PCDHGB7: variants seen among roughly 807,000 people sequenced by gnomAD.
PCDHGB7 encodes the protein protocadherin gamma-B7.
In PCDHGB7, 37 loss-of-function variants were observed where a neutral mutation model predicts 61.4. That is an observed-to-expected ratio of 0.60 (90% CI 0.46 to 0.79). PCDHGB7 has a LOEUF of 0.79. Ranked by LOEUF, PCDHGB7 falls within the 30% of genes least tolerant of loss-of-function variation. The pLI, the probability that PCDHGB7 is intolerant of heterozygous loss-of-function variation, is 0.00. For synonymous variants in PCDHGB7, 464 were observed against 503.5 expected (o/e 0.92, Z 1.05); for missense variants, 1,166 against 1,202.5 (o/e 0.97, Z 0.45).
intron 1 of PCDHGB7, chr5:141,427,993 C>G: frequency 6.3e-7 from 1 of 1,599,460 alleles, no homozygotes; most frequent in South Asian, 1.1e-5. Flanking sequence ...CCCGATGGCT[C>G]CGCACTCTTC....
intron 1 of PCDHGB7, among the ~76,000 whole-genome samples, chr5:141,482,179 G>A (rs1398839482): frequency 6.6e-6 from 1 of 152,040 alleles, no homozygotes; most frequent in Non-Finnish European, 1.5e-5. Flanking sequence ...AAGGCTTTAC[G>A]ATGCTCCAGT....
At chr5:141,458,413 G>A (rs138479316) in intron 1 of PCDHGB7, among the ~76,000 whole-genome samples, 1 of 152,196 alleles carries the variant, frequency 6.6e-6, no homozygotes, top group East Asian at 1.9e-4. Context: ...CGGAGCGGGG[G>A]TTCCAAAGCT....
In PCDHGB7 at chr5:141,485,251, C is replaced by T. The variant is rs748522322; in HGVS notation, c.2416-9556C>T. 7 of 1,614,092 alleles carry T rather than the reference C, an allele frequency of 4.3e-6. No individual in the cohort carries two copies. In the South Asian group the frequency reaches 6.6e-5, roughly 15 times the overall value. On this transcript the variant is annotated intron_variant, in intron 1 of 3. Transcript: ENST00000398594. This position sits in a 1 kb window ranked among gnomAD's most constrained non-coding sequence, Gnocchi z 5.7. The stretch of plus-strand genomic sequence containing the variant: ...TGTTCCTCTTTTACCACCTGGGTTA[C>T]GTTTGTGGGCAGATCCGCTACCCGG...
chr5:141,481,924 A>G (rs1189494301), intron 1 of PCDHGB7, among the ~76,000 whole-genome samples: 1 of 151,648 alleles, frequency 6.6e-6, no homozygotes, highest in Non-Finnish European at 1.5e-5. Context: ...AAAAAAAAAA[A>G]AAAAAAAAAA....
In PCDHGB7 at chr5:141,512,809, A is replaced by C. The variant is rs2099884438; in HGVS notation, c.*1636A>C. ...GTGTTTTGTGCTGTGTCCACGCGCT[A>C]AGGCGACCCCCTCCCCCGTACTGAC... On this transcript the variant is annotated 3_prime_UTR_variant, in exon 4 of 4. Coordinates refer to ENST00000398594, the MANE Select transcript of PCDHGB7 (RefSeq NM_018927.4). 6.6e-6 allele frequency: 1 copy of C among 152,130 alleles called. No homozygotes were observed. The highest frequency in any genetic ancestry group is 2.4e-5 in the African/African-American group (1 of 41,404). The allele number at this position is 152,130 out of a possible 1,614,324, so 9.4% of individuals were successfully genotyped here. A position where few individuals can be genotyped will look rare whatever the true frequency, so the allele number is the denominator to read the frequency against.
chr5:141,493,346 C>T lies in PCDHGB7; in HGVS notation c.2416-1461C>T, dbSNP rs766845200. Among the ~76,000 whole-genome samples, 5 of 152,172 alleles carry T rather than the reference C, an allele frequency of 3.3e-5. No individual in the cohort carries two copies. Among genetic ancestry groups the T allele is most frequent in the Non-Finnish European group, 7.3e-5 (5 of 68,028 alleles). On this transcript the variant is annotated intron_variant, in intron 1 of 3. Coordinates refer to ENST00000398594, the MANE Select transcript of PCDHGB7 (RefSeq NM_018927.4). The surrounding 1 kb of genome is among the most constrained non-coding windows in gnomAD (Gnocchi z 4.3). Reference sequence around the variant, plus strand: ...CCCCTGTCTAACTCCAGAATGTGTGCTTTTAATTTCTTGGCACTTGGAACT... The same window carrying T: ...CCCCTGTCTAACTCCAGAATGTGTGTTTTTAATTTCTTGGCACTTGGAACT...
chr5:141,502,862 C>T (rs2099816351), intron 2 of PCDHGB7, among the ~76,000 whole-genome samples: 1 of 68,558 alleles, frequency 1.5e-5, no homozygotes, highest in African/African-American at 1.0e-4. Context: ...CCCTGACTCT[C>T]TGTCTTTTTT....
intron 1 of PCDHGB7, among the ~76,000 whole-genome samples, chr5:141,450,313 T>G (rs2098676929): frequency 6.6e-6 from 1 of 152,172 alleles, no homozygotes; most frequent in Middle Eastern, 3.4e-3. Context: ...ATGTGTGGCC[T>G]AGTTGCCATG....
At chr5:141,457,573 C>T (rs934685938) in intron 1 of PCDHGB7, among the ~76,000 whole-genome samples, 3 of 152,206 alleles carry the variant, frequency 2.0e-5, no homozygotes, top group Non-Finnish European at 4.4e-5. Flanking sequence ...CAAAATTTTT[C>T]TCTCCAGTCC....
At chr5:141,478,322 C>G (rs1360535508) in intron 1 of PCDHGB7, 28 of 1,613,976 alleles carry the variant, frequency 1.7e-5, no homozygotes, top group Non-Finnish European at 2.3e-5. Context: ...CTCACTGTAC[C>G]GAACACCAGG....
chr5:141,501,945 T>C (rs1318749969), intron 2 of PCDHGB7, among the ~76,000 whole-genome samples: 1 of 152,106 alleles, frequency 6.6e-6, no homozygotes, highest in Non-Finnish European at 1.5e-5. Context: ...CACTGCTCCC[T>C]GTGACAGGTC....
intron 1 of PCDHGB7, among the ~76,000 whole-genome samples, chr5:141,438,771 C>T (rs1056879944): frequency 1.3e-5 from 2 of 149,126 alleles, no homozygotes; most frequent in Non-Finnish European, 3.0e-5. Flanking sequence ...AAGCGATTCT[C>T]CTGCCTCAGC....
At chr5:141,448,058 C>G (rs2098560499) in intron 1 of PCDHGB7, among the ~76,000 whole-genome samples, 2 of 151,936 alleles carry the variant, frequency 1.3e-5, no homozygotes, top group Non-Finnish European at 2.9e-5. Flanking sequence ...TGCTCTCCAG[C>G]CTGGGCAACA....
At chr5:141,450,014 T>A (rs867473620) in intron 1 of PCDHGB7, among the ~76,000 whole-genome samples, 7,114 of 149,588 alleles carry the variant, frequency 0.048, 422 homozygotes, top group African/African-American at 0.13. Context: ...CTCTTTTTTT[T>A]TTTTTTTTTT....
At position 141,511,248 on chromosome 5, in the gene PCDHGB7, C is replaced by T; in HGVS notation, c.*75C>T. ...AGCTTCTCCTTACCTGCACCCAGGC[C>T]TCAGAGTTTCAGGGCTAACCCCCAG... On this transcript the variant is annotated 3_prime_UTR_variant, in exon 4 of 4. Transcript: ENST00000398594. 6.4e-7 allele frequency: 1 copy of T among 1,574,736 alleles called. No homozygotes were observed. The highest frequency in any genetic ancestry group is 8.6e-7 in the Non-Finnish European group (1 of 1,160,336).
intron 1 of PCDHGB7, among the ~76,000 whole-genome samples, chr5:141,456,059 G>A (rs1200043527): frequency 1.3e-5 from 2 of 151,662 alleles, no homozygotes; most frequent in Non-Finnish European, 1.5e-5. Flanking sequence ...CACCACGTCC[G>A]GCTAATTTTT....
At chr5:141,430,384 A>G (rs547268242) in intron 1 of PCDHGB7, among the ~76,000 whole-genome samples, 32 of 122,116 alleles carry the variant, frequency 2.6e-4, no homozygotes, top group East Asian at 6.6e-4. Context: ...GCTCATTGGG[A>G]AAAAAAAAAA....
chr5:141,485,362 G>T lies in PCDHGB7; in HGVS notation c.2416-9445G>T. 6.2e-7 allele frequency: 1 copy of T among 1,614,144 alleles called. No individual in the cohort carries two copies. ...ATACGGACAGTCTGTCAGCTCGCAG[G>T]CTGCAGGTCGCTGGAGAGGTGAACC... is the stretch of plus-strand genomic sequence containing the variant. On this transcript the variant is annotated intron_variant, in intron 1 of 3. Coordinates refer to ENST00000398594, the MANE Select transcript of PCDHGB7 (RefSeq NM_018927.4). The surrounding 1 kb of genome is among the most constrained non-coding windows in gnomAD (Gnocchi z 5.7).
Position 141,432,097 on chromosome 5 carries a change from C to A in PCDHGB7, c.2415+11823C>A. The A allele has an allele frequency of 1.9e-6, 3 of 1,614,184 alleles. No individual in the cohort carries two copies. Among genetic ancestry groups the A allele is most frequent in the Non-Finnish European group, 1.7e-6 (2 of 1,180,034 alleles). On this transcript the variant is annotated intron_variant, in intron 1 of 3. Transcript: ENST00000398594. This position sits in a 1 kb window ranked among gnomAD's most constrained non-coding sequence, Gnocchi z 6.0. ...TCTCGCTGAACGTGGCAGACACCAA[C>A]GACAACCCGCCGGTCTTCCCTCAGG...
Sources: gnomAD v4.1 joint callset for allele counts (sites outside exome capture counted in the v4.1 genomes callset) on GRCh38, gnomAD v4.1.1 for gene constraint, Gnocchi (gnomAD v3.1) non-coding constraint, MANE v1.5 for transcripts, NCBI Gene and HGNC (gene_info 2026-07-23, HGNC 2026-07-21) for gene names.